The following SND1 variants were observed in gnomAD, a reference collection of about 807,000 sequenced individuals.
The protein encoded by SND1 is staphylococcal nuclease domain-containing protein 1.
In SND1, 38 loss-of-function variants were observed where a neutral mutation model predicts 121.7. That is an observed-to-expected ratio of 0.31 (90% confidence interval 0.24 to 0.41). The LOEUF is 0.41. Ranked by LOEUF, SND1 falls within the 10% of genes least tolerant of loss-of-function variation. The pLI is 1.00. For missense variants in SND1, 868 were observed against 1,184.6 expected (o/e 0.73, Z 3.92); for synonymous variants, 401 against 447.4 (o/e 0.90, Z 1.31).
intron 15 of SND1, among the ~76,000 whole-genome samples, chr7:127,931,438 A>G (rs1263256178): frequency 6.6e-6 from 1 of 152,246 alleles, no homozygotes; most frequent in African/African-American, 2.4e-5. Flanking sequence ...AGGTTGGTTC[A>G]TGAGGTTTAA....
intron 16 of SND1, among the ~76,000 whole-genome samples, chr7:128,021,281 G>A (rs755654332): frequency 6.6e-6 from 1 of 152,232 alleles, no homozygotes; most frequent in Non-Finnish European, 1.5e-5. Context: ...GAAACAGGCT[G>A]TTAGTATCTG....
At chr7:128,030,200 G>A (rs1245753515) in intron 16 of SND1, 16 of 1,614,116 alleles carry the variant, frequency 9.9e-6, no homozygotes, top group African/African-American at 1.3e-5. Flanking sequence ...CCCGCAGCTT[G>A]GACAGGTATT....
chr7:127,927,467 A>G (rs1465580473), intron 14 of SND1, among the ~76,000 whole-genome samples: 2 of 152,172 alleles, frequency 1.3e-5, no homozygotes, highest in African/African-American at 2.4e-5. Flanking sequence ...CCCATGGAGC[A>G]TTTATCTTGT....
At chr7:128,081,988 G>T in intron 18 of SND1, 1 of 533,090 alleles carries the variant, frequency 1.9e-6, no homozygotes, top group Non-Finnish European at 3.9e-6. Flanking sequence ...AGCCCTGAGT[G>T]ATAGCCAGTT....
intron 2 of SND1, 123 bp from the exon 3 acceptor site, chr7:127,694,705 C>T (rs1795978128): frequency 9.0e-7 from 1 of 1,110,376 alleles, no homozygotes; most frequent in Admixed American, 2.2e-5. Context: ...TTCTCAAGGT[C>T]CAGCGCAGGG....
chr7:128,045,959 C>A (rs1019948551), intron 16 of SND1, among the ~76,000 whole-genome samples: 12 of 152,192 alleles, frequency 7.9e-5, no homozygotes, highest in Non-Finnish European at 1.6e-4. Context: ...AGCTGACTTC[C>A]TTTTACAACT....
intron 1 of SND1, among the ~76,000 whole-genome samples, chr7:127,656,816 A>G (rs1385983724): frequency 6.6e-6 from 1 of 152,206 alleles, no homozygotes; most frequent in Non-Finnish European, 1.5e-5. Flanking sequence ...TTCCTAAGCT[A>G]CTTAAAATAC....
At chr7:127,755,911 A>C (rs1797187484) in intron 10 of SND1, among the ~76,000 whole-genome samples, 1 of 152,186 alleles carries the variant, frequency 6.6e-6, no homozygotes, top group Non-Finnish European at 1.5e-5. Flanking sequence ...AGAGTATGCT[A>C]CTCTACACAT....
chr7:127,880,583 C>T (rs1799771795), intron 12 of SND1, among the ~76,000 whole-genome samples: 1 of 152,078 alleles, frequency 6.6e-6, no homozygotes, highest in Admixed American at 6.6e-5. Context: ...TTTCTGATCT[C>T]CATGGATGCC....
chr7:127,942,330 G>A (rs1015855211), intron 15 of SND1, among the ~76,000 whole-genome samples: 2 of 152,186 alleles, frequency 1.3e-5, no homozygotes, highest in Non-Finnish European at 2.9e-5. Context: ...TACCAAGTTA[G>A]AGGTGGGTCT....
At chr7:127,858,074 G>T in intron 12 of SND1, 1 of 1,085,880 alleles carries the variant, frequency 9.2e-7, no homozygotes, top group South Asian at 1.2e-5. Flanking sequence ...TCTCCTCTCT[G>T]GGTAGGGGTT....
At chr7:127,950,225 T>C (rs973348452) in intron 15 of SND1, among the ~76,000 whole-genome samples, 1 of 152,184 alleles carries the variant, frequency 6.6e-6, no homozygotes, top group East Asian at 1.9e-4. Flanking sequence ...CCTTTTTTTT[T>C]CCTCTAGGTT....
At chr7:127,991,135 A>C (rs886621780) in intron 16 of SND1, 79 bp downstream of exon 16, 1 of 981,976 alleles carries the variant, frequency 1.0e-6, no homozygotes, top group African/African-American at 1.6e-5. Flanking sequence ...GTCAGAGATC[A>C]GTCTGTTGTT....
At chr7:128,064,682 A>G (rs999520968) in intron 16 of SND1, among the ~76,000 whole-genome samples, 2 of 152,192 alleles carry the variant, frequency 1.3e-5, no homozygotes, top group East Asian at 1.9e-4. Context: ...TATAATTCAG[A>G]GAGCAGTGGG....
chr7:127,777,547 G>A (rs1180152575), intron 10 of SND1, among the ~76,000 whole-genome samples: 1 of 152,194 alleles, frequency 6.6e-6, no homozygotes, highest in African/African-American at 2.4e-5. Context: ...ATGGACAGTA[G>A]GGACATGATA....
At chr7:127,811,689 T>C (rs924929840) in intron 11 of SND1, among the ~76,000 whole-genome samples, 5 of 152,204 alleles carry the variant, frequency 3.3e-5, no homozygotes, top group African/African-American at 1.2e-4. Flanking sequence ...AAATGGTTAA[T>C]ATATGTAATG....
chr7:127,926,589 A>G (rs1277843772), intron 14 of SND1, among the ~76,000 whole-genome samples: 8 of 113,368 alleles, frequency 7.1e-5, no homozygotes, highest in East Asian at 2.4e-4. Context: ...GTCTCGCTCT[A>G]TCACCCAGGC....
intron 15 of SND1, among the ~76,000 whole-genome samples, chr7:127,955,530 CAG>C (rs912031520): frequency 8.0e-4 from 121 of 152,192 alleles, no homozygotes; most frequent in African/African-American, 2.7e-3. Context: ...CGTGGTTATG[CAG>C]AGAGACTTTG....
In SND1 at chr7:127,685,983, C is replaced by G. The variant is rs557031896; in HGVS notation, c.79-630C>G. ...TTGGCTCACCGCAACCTCCGCCTCC[C>G]GGGTTCAAGCGATTCTCCTGCCTCA... On this transcript the variant is annotated intron_variant, in intron 1 of 23. Coordinates refer to ENST00000354725, the MANE Select transcript of SND1 (RefSeq NM_014390.4). 5.8e-5 allele frequency: 9 copies of G among 154,316 alleles called. No individual in the cohort carries two copies. The East Asian group carries it at 1.1e-3, about 20-fold the overall frequency. 9.6% of individuals were successfully genotyped at this position (154,316 alleles called of 1,614,324 possible). A position where few individuals can be genotyped will look rare whatever the true frequency, so the allele number is the denominator to read the frequency against.
Sources: allele counts gnomAD v4.1 joint callset (sites outside exome capture counted in the v4.1 genomes callset), GRCh38; gene constraint gnomAD v4.1.1; transcripts MANE v1.5; gene names NCBI Gene and HGNC (gene_info 2026-07-23, HGNC 2026-07-21).